Variants in CYREN observed in about 807,000 individuals in gnomAD.
CYREN encodes the protein cell cycle regulator of NHEJ.
A neutral mutation model predicts 9.7 loss-of-function variants in CYREN; 7 were observed. That is an observed-to-expected ratio of 0.72 (90% CI 0.41 to 1.36). CYREN has a LOEUF of 1.36. Ranked by LOEUF, CYREN falls within the 40% of genes most tolerant of loss-of-function variation. The probability of loss-of-function intolerance (pLI) is 0.01; values close to 1 mark genes in which losing one functional copy is unlikely to be tolerated. For missense variants in CYREN, 215 were observed against 198.1 expected (o/e 1.09, Z -0.51); for synonymous variants, 76 against 77.9 (o/e 0.98, Z 0.13).
At chr7:135,118,531 G>A (rs117801000) in intron 2 of CYREN, among the ~76,000 whole-genome samples, 4,433 of 152,172 alleles carry the variant, frequency 0.029, 107 homozygotes, top group Non-Finnish European at 0.04. Context: ...TCCCTGAGCT[G>A]GAGCAAACTA....
chr7:135,167,437 T>C, intron 3 of CYREN: 1 of 1,244,564 alleles, frequency 8.0e-7, no homozygotes, highest in Non-Finnish European at 1.0e-6. Flanking sequence ...AGGTAAACGC[T>C]TCATGTCCCA....
In CYREN at chr7:135,133,850, A is replaced by T. The variant is rs537497646; in HGVS notation, n.356+34899T>A. Among the ~76,000 whole-genome samples the T allele has an allele frequency of 9.8e-5, 15 of 152,296 alleles. No individual in the cohort carries two copies. In the South Asian group the frequency reaches 3.1e-3, roughly 32 times the overall value. On this transcript the variant is annotated intron_variant and non_coding_transcript_variant, in intron 2 of 2. Coordinates refer to the CYREN transcript ENST00000459937. ...ATGTCATTGAATGGATGAATTATTA[A>T]ACCAACTATGGTACATTCATGTCAC...
chr7:135,143,287 T>C (rs1315064797), intron 2 of CYREN, among the ~76,000 whole-genome samples: 2 of 152,052 alleles, frequency 1.3e-5, no homozygotes, highest in Non-Finnish European at 2.9e-5. Flanking sequence ...ATGAACAGAA[T>C]AGAGAGACAA....
At chr7:135,128,490 G>A in intron 2 of CYREN, 11 of 755,440 alleles carry the variant, frequency 1.5e-5, no homozygotes, top group East Asian at 2.5e-5. Flanking sequence ...TGGCCCCAGT[G>A]AGTATTTACG....
At chr7:135,124,304 G>T (rs572103311) in intron 2 of CYREN, among the ~76,000 whole-genome samples, 2 of 152,014 alleles carry the variant, frequency 1.3e-5, no homozygotes, top group East Asian at 3.9e-4. Flanking sequence ...ACAAAGAAGG[G>T]TATTACATAA....
At chr7:135,157,578 G>A (rs1051080251) in intron 2 of CYREN, among the ~76,000 whole-genome samples, 4 of 152,240 alleles carry the variant, frequency 2.6e-5, no homozygotes, top group Admixed American at 2.0e-4. Flanking sequence ...CTAGTAGTGG[G>A]AGTGGTGAGC....
At chr7:135,107,223 C>T (rs1824868271) in intron 2 of CYREN, among the ~76,000 whole-genome samples, 1 of 152,050 alleles carries the variant, frequency 6.6e-6, no homozygotes, top group Admixed American at 6.6e-5. Flanking sequence ...TCCACTTCAG[C>T]TCTGACTTGG....
Position 135,151,208 on chromosome 7 carries a change from AC to A in CYREN, n.356+17540del, listed in dbSNP as rs531862940. Among the ~76,000 whole-genome samples, 12 of 152,348 alleles carry A rather than the reference AC, an allele frequency of 7.9e-5. No individual in the cohort carries two copies. Among genetic ancestry groups the A allele is most frequent in the African/African-American group, 2.2e-4 (9 of 41,580 alleles). On this transcript the variant is annotated intron_variant and non_coding_transcript_variant, in intron 2 of 2. Transcript: ENST00000459937. The surrounding 1 kb of genome is among the most constrained non-coding windows in gnomAD (Gnocchi z 4.3). ...AACTTGGTGGTTGGGATGGCTGTCC[AC>A]AGAAAACACTGGTGAAATCCAGGAG...
chr7:135,108,385 T>C (rs1180957407), intron 2 of CYREN, among the ~76,000 whole-genome samples: 1 of 152,214 alleles, frequency 6.6e-6, no homozygotes, highest in African/African-American at 2.4e-5. Flanking sequence ...TCAAGATCTC[T>C]TATAAGGTGG....
chr7:135,127,913 A>G (rs578090186), intron 2 of CYREN, among the ~76,000 whole-genome samples: 1 of 152,342 alleles, frequency 6.6e-6, no homozygotes, highest in Non-Finnish European at 1.5e-5. Flanking sequence ...TAGCAAAGAC[A>G]TGGAACCAAC....
Position 135,151,382 on chromosome 7 carries a change from C to T in CYREN, n.356+17367G>A, listed in dbSNP as rs1829662199. On this transcript the variant is annotated intron_variant and non_coding_transcript_variant, in intron 2 of 2. Transcript: ENST00000459937. The surrounding 1 kb of genome is among the most constrained non-coding windows in gnomAD (Gnocchi z 4.3). Reference sequence around the variant, plus strand: ...ATTTTTGTGACAGCCACACCTAAACCATGAGCACACTGATCTTCAATGTGT... The same window carrying T: ...ATTTTTGTGACAGCCACACCTAAACTATGAGCACACTGATCTTCAATGTGT... Among the ~76,000 whole-genome samples the T allele has an allele frequency of 6.6e-6, 1 of 152,200 alleles. No homozygotes were observed. Among genetic ancestry groups the T allele is most frequent in the Non-Finnish European group, 1.5e-5 (1 of 68,034 alleles).
chr7:135,119,033 A>G (rs1439143064), intron 2 of CYREN, among the ~76,000 whole-genome samples: 1 of 152,212 alleles, frequency 6.6e-6, no homozygotes, highest in African/African-American at 2.4e-5. Flanking sequence ...TAGGACTATA[A>G]GACAAAATCT....
chr7:135,158,309 C>T (rs1183769453), intron 2 of CYREN, among the ~76,000 whole-genome samples: 1 of 152,226 alleles, frequency 6.6e-6, no homozygotes, highest in East Asian at 1.9e-4. Context: ...CCTGATTTCC[C>T]TGTTAATCCT....
chr7:135,133,351 C>T (rs1019734940), intron 2 of CYREN, among the ~76,000 whole-genome samples: 1 of 152,192 alleles, frequency 6.6e-6, no homozygotes, highest in African/African-American at 2.4e-5. Flanking sequence ...GATGTCAGTT[C>T]TTCCCAGCTT....
intron 2 of CYREN, among the ~76,000 whole-genome samples, chr7:135,099,300 T>C (rs1227746669): frequency 1.3e-5 from 2 of 152,168 alleles, no homozygotes; most frequent in East Asian, 3.8e-4. Flanking sequence ...TAGGTATTTA[T>C]ATTGTTTGCT....
At chr7:135,169,819 AGAG>A (rs1830518150) in intron 1 of CYREN, among the ~76,000 whole-genome samples, 1 of 152,240 alleles carries the variant, frequency 6.6e-6, no homozygotes, top group Non-Finnish European at 1.5e-5. Context: ...CCCAAAAAAA[AGAG>A]TAGTCAGCGA....
upstream of CYREN, chr7:135,170,722 T>TCCGG (rs1431787441): frequency 6.6e-6 from 1 of 152,226 alleles, no homozygotes; most frequent in Admixed American, 6.5e-5. Flanking sequence ...GCCCGCCTCT[T>TCCGG]CCGGCCCCGC....
intron 2 of CYREN, chr7:135,115,689 C>A: frequency 8.2e-7 from 1 of 1,221,556 alleles, no homozygotes; most frequent in Non-Finnish European, 1.1e-6. Context: ...AATTTATTAT[C>A]CTACGAAAAA....
intron 2 of CYREN, chr7:135,168,301 C>CG (rs1830364211): frequency 5.7e-5 from 2 of 35,184 alleles, no homozygotes; most frequent in African/African-American, 1.6e-4. Flanking sequence ...ACCCCCCCCC[C>CG]GCCCCCCCCC....
Sources: allele counts gnomAD v4.1 joint callset (sites outside exome capture counted in the v4.1 genomes callset), GRCh38; gene constraint gnomAD v4.1.1; non-coding constraint Gnocchi (gnomAD v3.1); transcripts MANE v1.5; gene names NCBI Gene and HGNC (gene_info 2026-07-23, HGNC 2026-07-21).